ZFHX3: variants seen among roughly 807,000 people sequenced by gnomAD.
ZFHX3 encodes zinc finger homeobox protein 3.
A neutral mutation model predicts 279.1 loss-of-function variants in ZFHX3; 42 were observed. That is an observed-to-expected ratio of 0.15 (90% CI 0.12 to 0.19). The LOEUF is 0.19. ZFHX3 is among the 10% of genes least tolerant of loss of function. The pLI is 1.00. For missense variants in ZFHX3, 4,981 were observed against 4,754.0 expected, an observed-to-expected ratio of 1.05 and a Z score of -1.40; for synonymous variants, 2,293 against 1,957.8, an observed-to-expected ratio of 1.17 and a Z score of -4.52.
intron 4 of ZFHX3, among the ~76,000 whole-genome samples, chr16:73,277,361 T>C (rs1265084470): frequency 2.6e-5 from 4 of 152,236 alleles, no homozygotes; most frequent in Admixed American, 2.0e-4. Context: ...AGGGCAGCAC[T>C]GTGTCTCCAG....
chr16:72,852,691 C>CT (rs2037648292), intron 4 of ZFHX3, among the ~76,000 whole-genome samples: 1 of 152,010 alleles, frequency 6.6e-6, no homozygotes, highest in Non-Finnish European at 1.5e-5. Flanking sequence ...AAAAAGTTTC[C>CT]TTTTTTTAAA....
chr16:73,677,042 AG>A (rs1244056516), intron 2 of ZFHX3, among the ~76,000 whole-genome samples: 1 of 152,040 alleles, frequency 6.6e-6, no homozygotes, highest in Non-Finnish European at 1.5e-5. Context: ...AGAAGACCAA[AG>A]GATACAGTGG....
chr16:73,143,618 G>A (rs1776602984), intron 6 of ZFHX3: 1 of 518,406 alleles, frequency 1.9e-6, no homozygotes, highest in South Asian at 1.7e-5. Flanking sequence ...GAGGTGTCTA[G>A]TAACACTGCA....
intron 5 of ZFHX3, among the ~76,000 whole-genome samples, chr16:73,172,817 G>A (rs1174542954): frequency 6.6e-6 from 1 of 152,108 alleles, no homozygotes; most frequent in Non-Finnish European, 1.5e-5. Context: ...AGGAGTGAAG[G>A]ACCATGGGTC....
chr16:73,070,915 T>TGCGC (rs1214080832), intron 8 of ZFHX3, among the ~76,000 whole-genome samples: 3 of 90,586 alleles, frequency 3.3e-5, no homozygotes, highest in African/African-American at 1.3e-4. Flanking sequence ...TAGACCGTCT[T>TGCGC]GCGCGCGCGC....
At chr16:73,755,725 T>C (rs113492494) in intron 1 of ZFHX3, among the ~76,000 whole-genome samples, 5 of 152,344 alleles carry the variant, frequency 3.3e-5, no homozygotes, top group African/African-American at 1.2e-4. Context: ...AAGCAAGAGC[T>C]TGGGGCTCAG....
intron 3 of ZFHX3, among the ~76,000 whole-genome samples, chr16:72,940,611 G>A (rs1463653125): frequency 6.6e-6 from 1 of 152,202 alleles, no homozygotes; most frequent in East Asian, 1.9e-4. Context: ...CATACTGCCA[G>A]CGACAGAAGA....
At chr16:73,608,315 G>A (rs193045802) in intron 2 of ZFHX3, among the ~76,000 whole-genome samples, 186 of 152,240 alleles carry the variant, frequency 1.2e-3, no homozygotes, top group Middle Eastern at 3.4e-3. Flanking sequence ...TGCTCAGAGC[G>A]TCCCACCATG....
intron 2 of ZFHX3, among the ~76,000 whole-genome samples, chr16:73,579,093 T>A (rs376515829): frequency 2.0e-5 from 3 of 152,356 alleles, no homozygotes; most frequent in East Asian, 3.9e-4. Context: ...GGAAGCTTCA[T>A]CTGCGTGATA....
At chr16:72,838,337 G>T (rs2037251779) in intron 4 of ZFHX3, among the ~76,000 whole-genome samples, 1 of 59,508 alleles carries the variant, frequency 1.7e-5, no homozygotes, top group South Asian at 8.0e-4. Context: ...GCCTGGGAAG[G>T]GAGGGCCAGG....
intron 2 of ZFHX3, among the ~76,000 whole-genome samples, chr16:73,578,017 T>C (rs571530599): frequency 6.6e-6 from 1 of 152,236 alleles, no homozygotes; most frequent in Non-Finnish European, 1.5e-5. Context: ...GCCAAACTGG[T>C]TGTTGAACAA....
chr16:72,812,466 G>A (rs1253998597), intron 5 of ZFHX3, among the ~76,000 whole-genome samples: 3 of 152,186 alleles, frequency 2.0e-5, no homozygotes, highest in Non-Finnish European at 4.4e-5. Flanking sequence ...AAGAAGAGAT[G>A]TGCTCTCAAC....
intron 3 of ZFHX3, among the ~76,000 whole-genome samples, chr16:73,424,378 A>T (rs771387012): frequency 5.5e-4 from 83 of 152,168 alleles, no homozygotes; most frequent in Non-Finnish European, 7.3e-5. Context: ...GGCCATTTCT[A>T]GCTTTTGCTC....
chr16:72,881,734 C>T (rs548397210), intron 4 of ZFHX3, among the ~76,000 whole-genome samples: 13 of 152,148 alleles, frequency 8.5e-5, no homozygotes, highest in East Asian at 1.9e-4. Flanking sequence ...CAGCAGAGGA[C>T]GGCTGCCACT....
chr16:73,685,907 T>A (rs984771150), intron 1 of ZFHX3, among the ~76,000 whole-genome samples: 7 of 152,148 alleles, frequency 4.6e-5, no homozygotes, highest in African/African-American at 1.7e-4. Flanking sequence ...ATGTGGAATA[T>A]CTAGATCAAC....
intron 1 of ZFHX3, among the ~76,000 whole-genome samples, chr16:73,691,317 T>A (rs1422182578): frequency 6.6e-6 from 1 of 152,080 alleles, no homozygotes; most frequent in Non-Finnish European, 1.5e-5. Context: ...AGCTTAAGAT[T>A]TGGCAAAAAG....
intron 5 of ZFHX3, among the ~76,000 whole-genome samples, chr16:73,251,398 C>A (rs1011390084): frequency 6.6e-6 from 1 of 152,160 alleles, no homozygotes; most frequent in Non-Finnish European, 1.5e-5. Flanking sequence ...AGGGGCCAAG[C>A]GTGGCTCTAA....
Position 72,959,159 on chromosome 16 carries a change from G to A in ZFHX3, c.987C>T (p.Ile329=), listed in dbSNP as rs369733305. 4.8e-5 allele frequency: 78 copies of A among 1,614,074 alleles called. No homozygotes were observed. The highest frequency in any genetic ancestry group is 6.7e-5 in the African/African-American group (5 of 74,926). Reference sequence around the variant, plus strand: ...TTACAAGGGGTTCCTTGTCTTTGCCGATCCCTTGGATGATAGCGGAGATGT... The same window carrying A: ...TTACAAGGGGTTCCTTGTCTTTGCCAATCCCTTGGATGATAGCGGAGATGT... ...NKNISAIIQG[I]GKDKEPLVSF... is the part of the protein sequence containing the mutation. The change falls in exon 2 of 10, where the codon ATC becomes ATT. Residue 329 remains isoleucine, a synonymous_variant. Coordinates refer to ENST00000268489, the MANE Select transcript of ZFHX3 (RefSeq NM_006885.4).
At chr16:73,705,955 C>T (rs2053299131) in intron 1 of ZFHX3, among the ~76,000 whole-genome samples, 1 of 152,058 alleles carries the variant, frequency 6.6e-6, no homozygotes, top group Non-Finnish European at 1.5e-5. Context: ...TTGTAAGGGC[C>T]TCCTGAGTGG....
Sources: allele counts gnomAD v4.1 joint callset (sites outside exome capture counted in the v4.1 genomes callset), GRCh38; gene constraint gnomAD v4.1.1; transcripts MANE v1.5; gene names NCBI Gene and HGNC (gene_info 2026-07-23, HGNC 2026-07-21).